TJP2: variants seen among roughly 807,000 people sequenced by gnomAD.
The protein encoded by TJP2 is tight junction protein 2, also known as Friedreich ataxia region gene X104 (tight junction protein ZO-2).
In TJP2, 91 loss-of-function variants were observed where a neutral mutation model predicts 133.1. That is an observed-to-expected ratio of 0.68 (90% CI 0.58 to 0.81). The LOEUF is 0.81. Among genes scored for constraint, TJP2 ranks in the 40% least tolerant of loss-of-function variants. The probability of loss-of-function intolerance (pLI) is 0.00; values close to 1 mark genes in which losing one functional copy is unlikely to be tolerated. For synonymous variants in TJP2, 592 were observed against 583.4 expected, an observed-to-expected ratio of 1.01 and a Z score of -0.21; for missense variants, 1,541 against 1,565.6, an observed-to-expected ratio of 0.98 and a Z score of 0.26.
intron 1 of TJP2, among the ~76,000 whole-genome samples, chr9:69,197,772 A>G (rs1299438628): frequency 6.6e-6 from 1 of 152,210 alleles, no homozygotes; most frequent in East Asian, 1.9e-4. Flanking sequence ...ACTGTTCCAG[A>G]TCACAGAGCT....
At chr9:69,215,171 G>A (rs1326851765) in intron 2 of TJP2, among the ~76,000 whole-genome samples, 1 of 152,116 alleles carries the variant, frequency 6.6e-6, no homozygotes, top group Non-Finnish European at 1.5e-5. Context: ...CCAAAAGTAC[G>A]GAGGGAGGGA....
intron 17 of TJP2, 102 bp downstream of exon 17, chr9:69,240,249 G>A: frequency 8.4e-7 from 1 of 1,189,958 alleles, no homozygotes; most frequent in Non-Finnish European, 1.2e-6. Context: ...ATTTGAAATT[G>A]TGTTCATGAC....
intron 1 of TJP2, among the ~76,000 whole-genome samples, chr9:69,201,027 T>C (rs1826950775): frequency 6.6e-6 from 1 of 152,214 alleles, no homozygotes. Context: ...GGAGTATATG[T>C]CGAATGAATG....
At chr9:69,197,246 C>T (rs766271617) in intron 1 of TJP2, among the ~76,000 whole-genome samples, 4 of 152,110 alleles carry the variant, frequency 2.6e-5, no homozygotes, top group Admixed American at 6.5e-5. Flanking sequence ...CGTGAGCCAT[C>T]GTGCTTGGCC....
intron 19 of TJP2, chr9:69,248,970 C>CAAA (rs56986564): frequency 1.5e-5 from 14 of 911,426 alleles, no homozygotes; most frequent in South Asian, 5.2e-5. Flanking sequence ...ATAGAACTAC[C>CAAA]AAAAAAAAAA....
chr9:69,254,371 A>G lies in TJP2; in HGVS notation c.3570A>G (p.Leu1190=). ...GQSARYRDTE[L] ...CTGCCCGATACCGGGACACAGAATT[A>G]TAGATGTCTGAGCACGGACTCTCCC... Residue 1190 remains leucine, a synonymous_variant, in exon 23 of 23, where the codon TTA becomes TTG. Coordinates refer to ENST00000377245, the MANE Select transcript of TJP2 (RefSeq NM_004817.4). 6.2e-7 allele frequency: 1 copy of G among 1,614,180 alleles called. No homozygotes were observed. Among genetic ancestry groups the G allele is most frequent in the Non-Finnish European group, 8.5e-7 (1 of 1,180,042 alleles).
At chr9:69,148,844 C>A (rs1823339008) in intron 1 of TJP2, among the ~76,000 whole-genome samples, 1 of 152,152 alleles carries the variant, frequency 6.6e-6, no homozygotes, top group African/African-American at 2.4e-5. Flanking sequence ...TTGCCCATTG[C>A]CCAGCACATG....
intron 1 of TJP2, among the ~76,000 whole-genome samples, chr9:69,209,273 C>T (rs1335807484): frequency 2.6e-5 from 4 of 152,124 alleles, no homozygotes; most frequent in Non-Finnish European, 5.9e-5. Context: ...GCTGGGACTA[C>T]AGATATGCGC....
chr9:69,171,187 G>A (rs1380342901), upstream of TJP2, among the ~76,000 whole-genome samples: 6 of 152,114 alleles, frequency 3.9e-5, no homozygotes, highest in Non-Finnish European at 5.9e-5. Context: ...GAGAGTCAGC[G>A]TAGGCTCACT....
chr9:69,220,506 A>G (rs539150993), intron 4 of TJP2, among the ~76,000 whole-genome samples: 21 of 152,332 alleles, frequency 1.4e-4, no homozygotes, highest in African/African-American at 5.1e-4. Flanking sequence ...ATTTGTACCC[A>G]TCAATCAACT....
rs143996799 is a variant in TJP2 at position 69,215,986 on chromosome 9, C to T, written c.115-353C>T. On this transcript the variant is annotated intron_variant, in intron 2 of 22. Coordinates refer to ENST00000377245, the MANE Select transcript of TJP2 (RefSeq NM_004817.4). ...TCAGTTTTTACTGAAGTTGTTCCAGCTCGGGCCAGCATGATGCAAAGAGGT... is the reference window on the plus strand; with the variant it reads ...TCAGTTTTTACTGAAGTTGTTCCAGTTCGGGCCAGCATGATGCAAAGAGGT... Among the ~76,000 whole-genome samples the T allele has an allele frequency of 2.6e-5, 4 of 152,326 alleles. No individual in the cohort carries two copies. In the East Asian group the frequency reaches 7.7e-4, roughly 29 times the overall value.
Position 69,167,078 on chromosome 9 carries a change from A to G in TJP2, c.-10+15307A>G, listed in dbSNP as rs530924957. ...TGAAACCCCGTCTCTACGAAAAAAA[A>G]AACCCCAGAAAAATTAGCTGGGCGT... On this transcript the variant is annotated intron_variant, in intron 2 of 5. Coordinates refer to the TJP2 transcript ENST00000423935. Among the ~76,000 whole-genome samples the G allele has an allele frequency of 5.9e-5, 9 of 151,948 alleles. No individual in the cohort carries two copies. In the East Asian group the frequency reaches 1.7e-3, roughly 29 times the overall value.
chr9:69,205,201 G>C (rs1231086975), intron 1 of TJP2: 3 of 1,537,156 alleles, frequency 2.0e-6, no homozygotes, highest in Admixed American at 3.9e-5. Flanking sequence ...GTGGATCCAG[G>C]CTGTTAAAAA....
At chr9:69,210,291 C>CA (rs1242615752) in intron 1 of TJP2, among the ~76,000 whole-genome samples, 1 of 43,416 alleles carries the variant, frequency 2.3e-5, no homozygotes, top group Non-Finnish European at 5.5e-5. Flanking sequence ...CCCGTCCCCC[C>CA]CCCCCCCCAA....
At chr9:69,240,433 G>A (rs781330449) in intron 17 of TJP2, among the ~76,000 whole-genome samples, 2 of 152,210 alleles carry the variant, frequency 1.3e-5, no homozygotes, top group African/African-American at 4.8e-5. Flanking sequence ...TAGTGATTGA[G>A]CCAGGCCAAA....
At position 69,236,176 on chromosome 9, in the gene TJP2, C is replaced by T. The variant is rs1830175035; in HGVS notation, c.1929C>T (p.Gly643=). 1 of 1,614,146 alleles carries T rather than the reference C, an allele frequency of 6.2e-7. No homozygotes were observed. Among genetic ancestry groups the T allele is most frequent in the Admixed American group, 1.7e-5 (1 of 60,018 alleles). Residue 643 remains glycine, a synonymous_variant, in exon 13 of 23, where the codon GGC becomes GGT. Coordinates refer to ENST00000377245, the MANE Select transcript of TJP2 (RefSeq NM_004817.4). ...VVDTLYDGKL[G]NWLAVRIGNE... The stretch of plus-strand genomic sequence containing the variant: ...ACACACTGTATGACGGCAAGCTGGG[C>T]AACTGGCTGGCTGTGAGGATTGGGA...
rs1827614417 is a variant in TJP2, at chr9:69,208,556, G to T, written c.61-3992G>T. On this transcript the variant is annotated intron_variant, in intron 1 of 22. Transcript: ENST00000377245. ...AGCCACATTTAAAAAATAAAATTTT[G>T]CAGGAACTCATTTATTTGGCTAAAT... Among the ~76,000 whole-genome samples, 5 of 152,252 alleles carry T rather than the reference G, an allele frequency of 3.3e-5. No homozygotes were observed. The South Asian group carries it at 8.3e-4, about 25-fold the overall frequency.
intron 2 of TJP2, among the ~76,000 whole-genome samples, chr9:69,153,476 C>G (rs901825809): frequency 1.3e-5 from 2 of 152,036 alleles, no homozygotes; most frequent in Admixed American, 6.6e-5. Flanking sequence ...CCCAGCTACT[C>G]GGGAGGCTGA....
chr9:69,178,863 T>A (rs1021534121), intron 1 of TJP2, among the ~76,000 whole-genome samples: 1 of 152,252 alleles, frequency 6.6e-6, no homozygotes, highest in Non-Finnish European at 1.5e-5. Context: ...AAGTGACTCT[T>A]GCTCATGATT....
Sources: allele counts gnomAD v4.1 joint callset (sites outside exome capture counted in the v4.1 genomes callset), GRCh38; gene constraint gnomAD v4.1.1; transcripts MANE v1.5; gene names NCBI Gene and HGNC (gene_info 2026-07-23, HGNC 2026-07-21).